The following PRMT3 variants were observed in gnomAD, a reference collection of about 807,000 sequenced individuals.
The protein encoded by PRMT3 is protein arginine N-methyltransferase 3.
Under a neutral mutation model 71.9 loss-of-function variants are expected in PRMT3, and 62 were observed. That is an observed-to-expected ratio of 0.86 (90% CI 0.70 to 1.07). The LOEUF (loss-of-function observed/expected upper bound fraction) is 1.07, where lower values mean the gene tolerates loss of function less well. Ranked by LOEUF, PRMT3 falls within the 50% of genes least tolerant of loss-of-function variation. The probability of loss-of-function intolerance (pLI) is 0.00; values close to 1 mark genes in which losing one functional copy is unlikely to be tolerated. For synonymous variants in PRMT3, 213 were observed against 220.4 expected, an observed-to-expected ratio of 0.97 and a Z score of 0.30; for missense variants, 663 against 643.0, an observed-to-expected ratio of 1.03 and a Z score of -0.34.
At chr11:20,499,358 A>G (rs1851404350) in intron 15 of PRMT3, among the ~76,000 whole-genome samples, 1 of 152,236 alleles carries the variant, frequency 6.6e-6, no homozygotes, top group African/African-American at 2.4e-5. Context: ...GTGGTGGTTC[A>G]TGCCTGTAAT....
At chr11:20,507,077 C>T (rs1851608411) in intron 15 of PRMT3, among the ~76,000 whole-genome samples, 1 of 152,138 alleles carries the variant, frequency 6.6e-6, no homozygotes, top group Non-Finnish European at 1.5e-5. Flanking sequence ...CTCAAAATGC[C>T]ATTCCTGAAG....
chr11:20,391,128 TACTA>T (rs112239356), intron 3 of PRMT3, among the ~76,000 whole-genome samples: 11,172 of 152,232 alleles, frequency 0.073, 1,282 homozygotes, highest in African/African-American at 0.25. Context: ...GAATAGCAAA[TACTA>T]ACAGGTGTTT....
rs1203611626 is a variant in PRMT3 at position 20,441,472 on chromosome 11, A to AT, written c.994-10650dup. Among the ~76,000 whole-genome samples the AT allele has an allele frequency of 3.3e-4, 50 of 151,082 alleles. 1 individual carries two copies. Among genetic ancestry groups the AT allele is most frequent in the Non-Finnish European group, 5.9e-5 (4 of 67,706 alleles). On this transcript the variant is annotated intron_variant, in intron 10 of 15. Transcript: ENST00000331079. ...AGGCACCCGCCACCATGCCCAGCTAATTTTTTTTGTATTTTTAGTAGAGAC... is the reference window on the plus strand; with the variant it reads ...AGGCACCCGCCACCATGCCCAGCTAATTTTTTTTTGTATTTTTAGTAGAGAC...
rs560817770 is a variant in PRMT3, at chr11:20,402,339, G to A, written c.706-580G>A. ...ACTCCATGTTGGTCAGGCTGGTCTCGAACTCCTGACCTCAAGTGATCCTCT... is the reference window on the plus strand; with the variant it reads ...ACTCCATGTTGGTCAGGCTGGTCTCAAACTCCTGACCTCAAGTGATCCTCT... On this transcript the variant is annotated intron_variant, in intron 7 of 15. Transcript: ENST00000331079. 6.6e-5 allele frequency among the ~76,000 whole-genome samples: 10 copies of A among 152,172 alleles called. No individual in the cohort carries two copies. In the East Asian group the frequency reaches 7.7e-4, roughly 12 times the overall value.
At chr11:20,407,236 A>C (rs1022405729) in intron 8 of PRMT3, 3 of 152,052 alleles carry the variant, frequency 2.0e-5, no homozygotes, top group Non-Finnish European at 4.4e-5. Context: ...TAGTTTTGTA[A>C]ATGTTTTATT....
In PRMT3 at chr11:20,494,220, A is replaced by G; in HGVS notation, c.1452A>G (p.Val484=). 6.2e-7 allele frequency: 1 copy of G among 1,610,610 alleles called. No individual in the cohort carries two copies. Among genetic ancestry groups the G allele is most frequent in the Non-Finnish European group, 8.5e-7 (1 of 1,176,856 alleles). ...CCAAAACACACTGGAAACAAACAGTATTTCTACTGGAAAAACCATTTTCAG... is the reference window on the plus strand; with the variant it reads ...CCAAAACACACTGGAAACAAACAGTGTTTCTACTGGAAAAACCATTTTCAG... ...QSTKTHWKQT[V]FLLEKPFSVK... is the part of the protein sequence containing the mutation. The change falls in exon 15 of 16, where the codon GTA becomes GTG. Residue 484 remains valine, a synonymous_variant. Transcript: ENST00000331079.
chr11:20,391,762 C>G (rs79030000), intron 3 of PRMT3, among the ~76,000 whole-genome samples: 4,526 of 152,266 alleles, frequency 0.03, 225 homozygotes, highest in African/African-American at 0.1. Flanking sequence ...AACCAGATAA[C>G]AAGCCTTATT....
At chr11:20,420,981 C>T (rs1221979355) in intron 9 of PRMT3, among the ~76,000 whole-genome samples, 1 of 152,114 alleles carries the variant, frequency 6.6e-6, no homozygotes, top group Non-Finnish European at 1.5e-5. Context: ...AAACAAATTA[C>T]AGTAAAAGTA....
At chr11:20,442,938 T>G (rs573922102) in intron 10 of PRMT3, among the ~76,000 whole-genome samples, 16 of 152,314 alleles carry the variant, frequency 1.1e-4, no homozygotes, top group Non-Finnish European at 2.1e-4. Context: ...GGCTTATACC[T>G]GTAATCCCAG....
At chr11:20,424,089 C>T (rs931754603) in intron 9 of PRMT3, among the ~76,000 whole-genome samples, 27 of 149,862 alleles carry the variant, frequency 1.8e-4, no homozygotes, top group African/African-American at 6.6e-4. Flanking sequence ...GAGGCTGAGG[C>T]AGGAGAATGG....
At chr11:20,470,391 C>T (rs1850615061) in intron 13 of PRMT3, among the ~76,000 whole-genome samples, 1 of 152,130 alleles carries the variant, frequency 6.6e-6, no homozygotes, top group South Asian at 2.1e-4. Context: ...CCTCAACCTC[C>T]TCCCTCTAAC....
At chr11:20,497,639 A>G (rs959567278) in intron 15 of PRMT3, among the ~76,000 whole-genome samples, 3 of 152,310 alleles carry the variant, frequency 2.0e-5, no homozygotes, top group Admixed American at 6.5e-5. Context: ...AACAAGCTCA[A>G]AAAGATCTAT....
rs562186525 is a variant in PRMT3 at position 20,505,140 on chromosome 11, A to G, written c.1487-3164A>G. On this transcript the variant is annotated intron_variant, in intron 15 of 15. Transcript: ENST00000331079. Reference sequence around the variant, plus strand: ...GATCCTAAATCATAAGACCTTGCTTAAACTTCAATAAATAGTTCTAGTAGC... The same window carrying G: ...GATCCTAAATCATAAGACCTTGCTTGAACTTCAATAAATAGTTCTAGTAGC... Among the ~76,000 whole-genome samples the G allele has an allele frequency of 2.0e-5, 3 of 152,322 alleles. No homozygotes were observed. The East Asian group carries it at 5.8e-4, about 29-fold the overall frequency.
chr11:20,424,183 C>CAA (rs59351768), intron 9 of PRMT3, among the ~76,000 whole-genome samples: 1 of 110,902 alleles, frequency 9.0e-6, no homozygotes, highest in East Asian at 2.6e-4. Context: ...GACGCCATCT[C>CAA]AAAAAAAAAA....
intron 6 of PRMT3, among the ~76,000 whole-genome samples, chr11:20,396,441 A>G (rs1166697081): frequency 6.6e-6 from 1 of 152,164 alleles, no homozygotes; most frequent in Non-Finnish European, 1.5e-5. Context: ...GTTTGAGACC[A>G]GCCTGGCCAA....
At chr11:20,458,211 A>C (rs1472513743) in intron 11 of PRMT3, among the ~76,000 whole-genome samples, 2 of 152,166 alleles carry the variant, frequency 1.3e-5, no homozygotes, top group East Asian at 3.8e-4. Context: ...TGACTTATTT[A>C]CTATCTCCTT....
intron 10 of PRMT3, among the ~76,000 whole-genome samples, 154 bp from the exon 11 acceptor site, chr11:20,451,976 C>CA (rs1450859391): frequency 3.3e-5 from 5 of 151,070 alleles, no homozygotes; most frequent in Admixed American, 1.3e-4. Context: ...TAACTTACTG[C>CA]AAAAAAAAGT....
chr11:20,484,889 C>A (rs1244366191), intron 13 of PRMT3, among the ~76,000 whole-genome samples: 2 of 152,208 alleles, frequency 1.3e-5, no homozygotes, highest in Non-Finnish European at 2.9e-5. Flanking sequence ...GGAAGTACTA[C>A]TAAGCCAAGA....
chr11:20,442,763 T>C (rs1453255110), intron 10 of PRMT3, among the ~76,000 whole-genome samples: 1 of 152,248 alleles, frequency 6.6e-6, no homozygotes, highest in Non-Finnish European at 1.5e-5. Context: ...GAATAAATTG[T>C]ATAGACAATT....
Sources: gnomAD v4.1 joint callset for allele counts (sites outside exome capture counted in the v4.1 genomes callset) on GRCh38, gnomAD v4.1.1 for gene constraint, MANE v1.5 for transcripts, NCBI Gene and HGNC (gene_info 2026-07-23, HGNC 2026-07-21) for gene names.